WDFY4: variants seen among roughly 807,000 people sequenced by gnomAD.
The protein encoded by WDFY4 is WD repeat- and FYVE domain-containing protein 4.
WDFY4 carries 169 observed loss-of-function variants against 351.9 expected under a neutral mutation model. The observed-to-expected ratio is 0.48, with a 90% CI of 0.42 to 0.55. The LOEUF (loss-of-function observed/expected upper bound fraction) is 0.55. WDFY4 is among the 20% of genes least tolerant of loss of function. The probability of loss-of-function intolerance (pLI) is 0.00; values close to 1 mark genes in which losing one functional copy is unlikely to be tolerated. For synonymous variants in WDFY4, 1,622 were observed against 1,574.6 expected (o/e 1.03, Z -0.71); for missense variants, 3,803 against 3,935.6 (o/e 0.97, Z 0.90).
intron 47 of WDFY4, among the ~76,000 whole-genome samples, chr10:48,940,722 G>A (rs892239456): frequency 6.6e-6 from 1 of 152,144 alleles, no homozygotes; most frequent in African/African-American, 2.4e-5. Context: ...AGAGTCTTAT[G>A]GAGTTGGGGA....
intron 1 of WDFY4, among the ~76,000 whole-genome samples, chr10:48,694,899 C>T (rs2063291953): frequency 1.3e-5 from 2 of 152,160 alleles, no homozygotes; most frequent in South Asian, 2.1e-4. Context: ...TAAGCCTCCT[C>T]TTGCCCCACA....
chr10:48,934,466 T>A (rs910072066), intron 47 of WDFY4, among the ~76,000 whole-genome samples: 9 of 152,216 alleles, frequency 5.9e-5, no homozygotes, highest in Non-Finnish European at 1.2e-4. Flanking sequence ...ACAAAGACTC[T>A]AAGTAGAGGG....
chr10:48,804,544 G>C (rs2067189127), intron 25 of WDFY4, among the ~76,000 whole-genome samples: 1 of 118,796 alleles, frequency 8.4e-6, no homozygotes. Context: ...GAGCTCAGCA[G>C]AATTTAATGT....
chr10:48,854,976 C>T (rs953469619), intron 39 of WDFY4, among the ~76,000 whole-genome samples: 1 of 152,066 alleles, frequency 6.6e-6, no homozygotes, highest in Non-Finnish European at 1.5e-5. Flanking sequence ...TTTTATGTCA[C>T]TTGTAATGCT....
rs564832625 is a variant in WDFY4 at position 48,848,016 on chromosome 10, G to T, written c.6663+15307G>T. On this transcript the variant is annotated intron_variant, in intron 39 of 61. Coordinates refer to ENST00000325239, the MANE Select transcript of WDFY4 (RefSeq NM_001394531.1). The stretch of plus-strand genomic sequence containing the variant: ...CTGGTATTACTTGACATTTGTTAAG[G>T]ATCCAGGGGCTGCATCTCCATAGCA... Among the ~76,000 whole-genome samples, 7 of 152,268 alleles carry T rather than the reference G, an allele frequency of 4.6e-5. No homozygotes were observed. The South Asian group carries it at 1.5e-3, about 32-fold the overall frequency.
At chr10:48,856,755 A>G (rs2069148123) in intron 39 of WDFY4, among the ~76,000 whole-genome samples, 1 of 152,196 alleles carries the variant, frequency 6.6e-6, no homozygotes, top group Non-Finnish European at 1.5e-5. Flanking sequence ...ATTAGAACAT[A>G]CAGATAGCAT....
intron 35 of WDFY4, among the ~76,000 whole-genome samples, chr10:48,826,013 G>T (rs753540076): frequency 6.6e-6 from 1 of 152,010 alleles, no homozygotes; most frequent in African/African-American, 2.4e-5. Context: ...TGACATTTTC[G>T]TCATGAAATC....
At chr10:48,964,149 A>AAG in intron 54 of WDFY4, 95 bp downstream of exon 54, 1 of 1,365,716 alleles carries the variant, frequency 7.3e-7, no homozygotes, top group Non-Finnish European at 1.0e-6. Context: ...GAGATGGCTG[A>AAG]AGAGGTGAAA....
At chr10:48,813,274 T>C (rs1160731334) in intron 30 of WDFY4, among the ~76,000 whole-genome samples, 1 of 152,248 alleles carries the variant, frequency 6.6e-6, no homozygotes, top group African/African-American at 2.4e-5. Flanking sequence ...AATCTAAATA[T>C]TGACATATGC....
At chr10:48,716,314 A>G (rs2063909134) in intron 2 of WDFY4, among the ~76,000 whole-genome samples, 2 of 152,194 alleles carry the variant, frequency 1.3e-5, no homozygotes, top group South Asian at 4.1e-4. Context: ...CATCTCCCCT[A>G]GAGCTTAGCC....
At chr10:48,826,627 G>A in intron 35 of WDFY4, 44 bp from the exon 36 acceptor site, 1 of 1,429,810 alleles carries the variant, frequency 7.0e-7, no homozygotes, top group Non-Finnish European at 9.6e-7. Context: ...AAATTGTAAA[G>A]CACTCACAAG....
intron 57 of WDFY4, among the ~76,000 whole-genome samples, chr10:48,972,807 A>G (rs1025079326): frequency 1.2e-4 from 18 of 152,212 alleles, no homozygotes; most frequent in Admixed American, 3.3e-4. Flanking sequence ...TTTCATGGCA[A>G]TGTAACCAGC....
At chr10:48,736,554 GC>G (rs1463499492) in intron 11 of WDFY4, among the ~76,000 whole-genome samples, 1 of 152,198 alleles carries the variant, frequency 6.6e-6, no homozygotes, top group Non-Finnish European at 1.5e-5. Context: ...ATCAGCAATG[GC>G]CAAGTAGCTG....
chr10:48,763,500 T>C (rs1018592599), intron 13 of WDFY4, among the ~76,000 whole-genome samples: 10 of 152,212 alleles, frequency 6.6e-5, no homozygotes, highest in Non-Finnish European at 1.0e-4. Flanking sequence ...GTCTTAGCAG[T>C]CAAACAGTTG....
chr10:48,941,220 G>A (rs1464577716), intron 47 of WDFY4, among the ~76,000 whole-genome samples: 1 of 152,194 alleles, frequency 6.6e-6, no homozygotes, highest in African/African-American at 2.4e-5. Flanking sequence ...CAGCACAAGG[G>A]AGGCTGGGTG....
chr10:48,929,255 A>G (rs1476498889), intron 47 of WDFY4, among the ~76,000 whole-genome samples: 1 of 151,916 alleles, frequency 6.6e-6, no homozygotes, highest in Non-Finnish European at 1.5e-5. Context: ...AGAAAGAAGG[A>G]AGGAGGAAAG....
At chr10:48,772,838 T>C (rs2065913576) in intron 13 of WDFY4, among the ~76,000 whole-genome samples, 1 of 151,424 alleles carries the variant, frequency 6.6e-6, no homozygotes. Flanking sequence ...AGAATGGTGA[T>C]TTCCAATTTC....
chr10:48,814,716 C>T (rs1028156716), intron 31 of WDFY4, among the ~76,000 whole-genome samples: 1 of 152,220 alleles, frequency 6.6e-6, no homozygotes, highest in African/African-American at 2.4e-5. Context: ...GGGAAACTTA[C>T]TGCTTTTGTA....
chr10:48,849,068 A>G (rs2068872949), intron 39 of WDFY4, among the ~76,000 whole-genome samples: 1 of 152,208 alleles, frequency 6.6e-6, no homozygotes, highest in African/African-American at 2.4e-5. Flanking sequence ...TTTAACTGGA[A>G]TCTGTCTTTG....
Sources: gnomAD v4.1 joint callset for allele counts (sites outside exome capture counted in the v4.1 genomes callset) on GRCh38, gnomAD v4.1.1 for gene constraint, MANE v1.5 for transcripts, NCBI Gene and HGNC (gene_info 2026-07-23, HGNC 2026-07-21) for gene names.